The following POLR3G variants were observed in gnomAD, a reference collection of about 807,000 sequenced individuals.
The protein encoded by POLR3G is RNA polymerase III subunit G, also known as DNA-directed RNA polymerase III subunit RPC7.
POLR3G carries 28 observed loss-of-function variants against 30.1 expected under a neutral mutation model. The observed-to-expected ratio is 0.93, with a 90% CI of 0.69 to 1.27. The LOEUF is 1.27. Among genes scored for constraint, POLR3G ranks in the 50% most tolerant of loss-of-function variants. The probability of loss-of-function intolerance (pLI) is 0.00; values close to 1 mark genes in which losing one functional copy is unlikely to be tolerated. For missense variants in POLR3G, 254 were observed against 264.6 expected, an observed-to-expected ratio of 0.96 and a Z score of 0.28; for synonymous variants, 79 against 82.5, an observed-to-expected ratio of 0.96 and a Z score of 0.23.
chr5:90,479,037 C>T (rs1464773916), intron 1 of POLR3G, among the ~76,000 whole-genome samples: 2 of 151,994 alleles, frequency 1.3e-5, no homozygotes, highest in Admixed American at 1.3e-4. Context: ...AATGGGCTGA[C>T]TGAATTGTCC....
chr5:90,510,597 C>T (rs1380101639), intron 7 of POLR3G, among the ~76,000 whole-genome samples: 1 of 152,004 alleles, frequency 6.6e-6, no homozygotes, highest in African/African-American at 2.4e-5. Flanking sequence ...TACAATGAGA[C>T]CTCATTTGAA....
chr5:90,474,445 G>A (rs1451747107), upstream of POLR3G: 6 of 686,170 alleles, frequency 8.7e-6, no homozygotes, highest in Admixed American at 2.8e-5. Flanking sequence ...GCGGGGGTCG[G>A]AATAGGAGGA....
intron 5 of POLR3G, among the ~76,000 whole-genome samples, chr5:90,499,343 C>G (rs1049300977): frequency 5.9e-5 from 9 of 152,172 alleles, no homozygotes; most frequent in African/African-American, 1.9e-4. Context: ...AGCAGAGTTA[C>G]ACAAGGTAGT....
chr5:90,475,214 C>T (rs1750734315), intron 1 of POLR3G, among the ~76,000 whole-genome samples, 194 bp downstream of exon 1: 1 of 152,106 alleles, frequency 6.6e-6, no homozygotes, highest in South Asian at 2.1e-4. Flanking sequence ...AGTCCAATTT[C>T]CAGATCTTAC....
At chr5:90,504,911 A>T (rs1335508465) in intron 6 of POLR3G, among the ~76,000 whole-genome samples, 1 of 152,198 alleles carries the variant, frequency 6.6e-6, no homozygotes, top group Non-Finnish European at 1.5e-5. Flanking sequence ...GTAATAACTC[A>T]TATAAGACAA....
intron 1 of POLR3G, among the ~76,000 whole-genome samples, chr5:90,478,119 T>C (rs1420955591): frequency 1.3e-5 from 2 of 152,214 alleles, no homozygotes; most frequent in Non-Finnish European, 2.9e-5. Context: ...TCATAACTCA[T>C]AAAATGTTAG....
chr5:90,506,205 GGTGACAGA>G (rs1316500664), intron 6 of POLR3G, among the ~76,000 whole-genome samples: 2 of 152,118 alleles, frequency 1.3e-5, no homozygotes, highest in Non-Finnish European at 2.9e-5. Context: ...CTCCAGCCTG[GGTGACAGA>G]GCGAGACTTT....
intron 3 of POLR3G, among the ~76,000 whole-genome samples, chr5:90,489,342 T>G (rs1751607513): frequency 6.6e-6 from 1 of 151,418 alleles, no homozygotes; most frequent in Non-Finnish European, 1.5e-5. Flanking sequence ...CTCGGCTCAC[T>G]GCAACCTCCG....
At chr5:90,487,739 T>A (rs250375) in intron 2 of POLR3G, among the ~76,000 whole-genome samples, 103,745 of 151,838 alleles carry the variant, frequency 0.68, 36,042 homozygotes, top group African/African-American at 0.81. Context: ...AACAGACTGT[T>A]TGGCAAAATG....
Position 90,485,567 on chromosome 5 carries a change from G to C in POLR3G, c.-1G>C. 1 of 1,610,380 alleles carries C rather than the reference G, an allele frequency of 6.2e-7. No individual in the cohort carries two copies. The highest frequency in any genetic ancestry group is 8.5e-7 in the Non-Finnish European group (1 of 1,177,642). Reference sequence around the variant, plus strand: ...CCACTCATCTGGTATAACTGGTTCTGATGGCTGGGAATAAAGGAAGAGGAC... The same window carrying C: ...CCACTCATCTGGTATAACTGGTTCTCATGGCTGGGAATAAAGGAAGAGGAC... On this transcript the variant is annotated 5_prime_UTR_variant, in exon 2 of 8. Coordinates refer to ENST00000651687, the MANE Select transcript of POLR3G (RefSeq NM_006467.3).
chr5:90,512,794 T>C lies in POLR3G; in HGVS notation c.*655T>C, dbSNP rs1429631069. 6.6e-6 allele frequency: 1 copy of C among 152,380 alleles called. No individual in the cohort carries two copies. The highest frequency in any genetic ancestry group is 1.5e-5 in the Non-Finnish European group (1 of 67,992). The allele number at this position is 152,380 out of a possible 1,614,324, so 9.4% of individuals were successfully genotyped here. A position where few individuals can be genotyped will look rare whatever the true frequency, so the allele number is the denominator to read the frequency against. ...TCACATGGGGTGAATATTATAATAC[T>C]TGAATTTGAGACTTAATACTGTATA... On this transcript the variant is annotated 3_prime_UTR_variant, in exon 8 of 8. Coordinates refer to ENST00000651687, the MANE Select transcript of POLR3G (RefSeq NM_006467.3).
chr5:90,485,708 C>A, intron 2 of POLR3G, 24 bp downstream of exon 2: 1 of 1,514,958 alleles, frequency 6.6e-7, no homozygotes, highest in Non-Finnish European at 9.1e-7. Flanking sequence ...CAGTTGAATT[C>A]TCATAGTGTG....
rs368566986 is a variant in POLR3G at position 90,506,590 on chromosome 5, C to T, written c.501C>T (p.Ser167=). The T allele has an allele frequency of 3.1e-6, 5 of 1,611,576 alleles. No individual in the cohort carries two copies. The highest frequency in any genetic ancestry group is 1.3e-5 in the African/African-American group (1 of 74,710). ...SDEENEEKEG[S]KEKSKEGDDD... The stretch of plus-strand genomic sequence containing the variant: ...AGGAAAATGAAGAGAAAGAAGGAAG[C>T]AAAGAGAAAAGTAAAGAAGGTGATG... Residue 167 remains serine (S), a synonymous_variant, in exon 7 of 8, where the codon AGC becomes AGT. Transcript: ENST00000651687.
chr5:90,485,400 A>G (rs960087756), intron 1 of POLR3G, 125 bp from the exon 2 acceptor site: 17 of 581,684 alleles, frequency 2.9e-5, no homozygotes, highest in African/African-American at 2.3e-4. Flanking sequence ...TTATTTGTGT[A>G]CATGTTTTGC....
chr5:90,495,232 A>G (rs1011428506), intron 3 of POLR3G, among the ~76,000 whole-genome samples: 2 of 152,078 alleles, frequency 1.3e-5, no homozygotes, highest in Non-Finnish European at 2.9e-5. Context: ...TCCCTTTTTC[A>G]TGCCTAACTC....
chr5:90,498,503 C>CTTA (rs1321521334), intron 5 of POLR3G, among the ~76,000 whole-genome samples: 1 of 152,104 alleles, frequency 6.6e-6, no homozygotes, highest in African/African-American at 2.4e-5. Context: ...TTAGCGCCCA[C>CTTA]TTATAAGTGA....
chr5:90,474,400 GGGA>G (rs1750662923), upstream of POLR3G: 1 of 1,027,848 alleles, frequency 9.7e-7, no homozygotes, highest in South Asian at 1.4e-5. Flanking sequence ...CCTGCAGCCA[GGGA>G]GGAGGCGTAG....
At chr5:90,474,441 G>T, upstream of POLR3G, 2 of 706,914 alleles carry the variant, frequency 2.8e-6, no homozygotes, top group Admixed American at 2.7e-5. Context: ...GGATGCGGGG[G>T]TCGGAATAGG....
Position 90,512,434 on chromosome 5 carries a change from C to T in POLR3G, c.*295C>T, listed in dbSNP as rs1752785708. ...CCTAAAGAATTTTTGCTCTCTTAAT[C>T]TATGTATACATACTTGAACAAATCA... On this transcript the variant is annotated 3_prime_UTR_variant, in exon 8 of 8. Coordinates refer to ENST00000651687, the MANE Select transcript of POLR3G (RefSeq NM_006467.3). The T allele has an allele frequency of 3.6e-6, 1 of 278,698 alleles. No individual in the cohort carries two copies. Among genetic ancestry groups the T allele is most frequent in the African/African-American group, 2.1e-5 (1 of 46,858 alleles). 17.3% of individuals were successfully genotyped at this position (278,698 alleles called of 1,614,324 possible). A position where few individuals can be genotyped will look rare whatever the true frequency, so the allele number is the denominator to read the frequency against.
Sources: gnomAD v4.1 joint callset for allele counts (sites outside exome capture counted in the v4.1 genomes callset) on GRCh38, gnomAD v4.1.1 for gene constraint, MANE v1.5 for transcripts, NCBI Gene and HGNC (gene_info 2026-07-23, HGNC 2026-07-21) for gene names.